TMTC1: variants seen among roughly 807,000 people sequenced by gnomAD.
The protein encoded by TMTC1 is transmembrane O-mannosyltransferase targeting cadherins 1.
Under a neutral mutation model 104.8 loss-of-function variants are expected in TMTC1, and 73 were observed. The ratio of observed to expected loss-of-function variants is 0.70; its 90% CI spans 0.58 to 0.85. The LOEUF (loss-of-function observed/expected upper bound fraction) is 0.85, where lower values mean the gene tolerates loss of function less well. TMTC1 is among the 40% of genes least tolerant of loss of function. TMTC1 has a pLI of 0.00. For synonymous variants in TMTC1, 434 were observed against 428.7 expected (o/e 1.01, Z -0.15); for missense variants, 1,035 against 1,096.1 (o/e 0.94, Z 0.79).
At chr12:29,711,077 G>T (rs1941913237) in intron 5 of TMTC1, among the ~76,000 whole-genome samples, 1 of 150,402 alleles carries the variant, frequency 6.6e-6, no homozygotes, top group Admixed American at 6.7e-5. Flanking sequence ...CAAACTCCAT[G>T]GTTCAAACGA....
intron 6 of TMTC1, among the ~76,000 whole-genome samples, chr12:29,628,547 A>G (rs1456611161): frequency 1.3e-5 from 2 of 152,190 alleles, no homozygotes; most frequent in Admixed American, 6.5e-5. Flanking sequence ...GTCAACACAG[A>G]CTTTATAAGA....
At position 29,507,650 on chromosome 12, in the gene TMTC1, G is replaced by A. The variant is rs138857124; in HGVS notation, c.2509-664C>T. 4.0e-3 allele frequency among the ~76,000 whole-genome samples: 614 copies of A among 152,264 alleles called. 4 individuals carry two copies. Among genetic ancestry groups the A allele is most frequent in the Middle Eastern group, 0.01 (3 of 294 alleles). ...CTAAACACAACTGTCCCCACCCTCT[G>A]TTGGCTTCCAACTGTTTTGTTTGAT... On this transcript the variant is annotated intron_variant, in intron 17 of 17. Coordinates refer to ENST00000539277, the MANE Select transcript of TMTC1 (RefSeq NM_001193451.2).
At chr12:29,568,126 C>T (rs1254295889) in intron 9 of TMTC1, among the ~76,000 whole-genome samples, 4 of 152,168 alleles carry the variant, frequency 2.6e-5, no homozygotes, top group African/African-American at 2.4e-5. Flanking sequence ...CTATGTTATG[C>T]ATTAAACATT....
intron 5 of TMTC1, among the ~76,000 whole-genome samples, chr12:29,711,935 A>G (rs981231472): frequency 7.0e-6 from 1 of 143,860 alleles, no homozygotes; most frequent in African/African-American, 2.6e-5. Flanking sequence ...TGAACCCAGG[A>G]GGCAGAGCTT....
Position 29,514,612 on chromosome 12 carries a change from G to T in TMTC1, c.2308-8C>A, listed in dbSNP as rs755844879. ...GTCTATAGCATCAAGTGCCTGCAGA[G>T]GTTGGAAATTAAGACAGAATAAATG... On this transcript the variant is annotated splice_polypyrimidine_tract_variant and splice_region_variant and intron_variant, in intron 15 of 17. Transcript: ENST00000539277. 1.2e-6 allele frequency: 2 copies of T among 1,603,072 alleles called. No individual in the cohort carries two copies. The highest frequency in any genetic ancestry group is 1.1e-5 in the South Asian group (1 of 89,456).
chr12:29,715,351 A>G (rs942421594), intron 5 of TMTC1, among the ~76,000 whole-genome samples: 1 of 152,246 alleles, frequency 6.6e-6, no homozygotes, highest in Admixed American at 6.5e-5. Context: ...GTTTCTCATT[A>G]TAAGTATATA....
intron 5 of TMTC1, among the ~76,000 whole-genome samples, chr12:29,749,434 C>T (rs778469067): frequency 6.6e-5 from 10 of 152,130 alleles, no homozygotes; most frequent in African/African-American, 9.7e-5. Context: ...CAGGAGCTGG[C>T]AACACATCTA....
intron 5 of TMTC1, among the ~76,000 whole-genome samples, chr12:29,685,969 C>CTTTTT (rs1941080434): frequency 6.6e-6 from 1 of 150,452 alleles, no homozygotes; most frequent in Non-Finnish European, 1.5e-5. Context: ...GGAAAAGCCA[C>CTTTTT]TTTTCTTGAT....
chr12:29,749,109 A>T (rs1435679676), intron 5 of TMTC1, among the ~76,000 whole-genome samples: 1 of 152,146 alleles, frequency 6.6e-6, no homozygotes, highest in Non-Finnish European at 1.5e-5. Context: ...ACAAATCAGG[A>T]GTCCCGTTCT....
At chr12:29,756,601 T>G (rs1300538733) in intron 3 of TMTC1, among the ~76,000 whole-genome samples, 1 of 152,210 alleles carries the variant, frequency 6.6e-6, no homozygotes, top group Non-Finnish European at 1.5e-5. Flanking sequence ...TTTTCTCAGT[T>G]TAATTTCCAA....
At chr12:29,742,213 A>G (rs969252691) in intron 5 of TMTC1, among the ~76,000 whole-genome samples, 3 of 152,224 alleles carry the variant, frequency 2.0e-5, no homozygotes, top group Admixed American at 6.5e-5. Flanking sequence ...CAAAAGACAC[A>G]AACATTATTC....
chr12:29,769,740 G>C (rs1196731265), intron 1 of TMTC1, among the ~76,000 whole-genome samples: 1 of 152,108 alleles, frequency 6.6e-6, no homozygotes, highest in Non-Finnish European at 1.5e-5. Context: ...CACTGACAAG[G>C]ATGAGAGAAA....
At chr12:29,716,432 T>A (rs2136863755) in intron 5 of TMTC1, among the ~76,000 whole-genome samples, 1 of 152,318 alleles carries the variant, frequency 6.6e-6, no homozygotes, top group Admixed American at 6.5e-5. Flanking sequence ...GAGTATGTGC[T>A]TTTAACTACT....
rs186058829 is a variant in TMTC1, at chr12:29,517,935, G to A, written c.2025-364C>T. Among the ~76,000 whole-genome samples the A allele has an allele frequency of 1.2e-3, 186 of 152,248 alleles. 1 individual carries two copies. The highest frequency in any genetic ancestry group is 4.3e-3 in the African/African-American group (177 of 41,546). On this transcript the variant is annotated intron_variant, in intron 13 of 17. Coordinates refer to ENST00000539277, the MANE Select transcript of TMTC1 (RefSeq NM_001193451.2). ...TCACCATGTTGGCCAAGTTGGTCTT[G>A]AACATCTGACCTCAGGTGATTCGAC...
At chr12:29,769,634 T>C (rs1943551205) in intron 1 of TMTC1, among the ~76,000 whole-genome samples, 1 of 152,216 alleles carries the variant, frequency 6.6e-6, no homozygotes, top group Admixed American at 6.5e-5. Context: ...TGCAGTTCCC[T>C]AAGAGTCCAC....
chr12:29,648,567 A>G (rs1310672326), intron 5 of TMTC1, among the ~76,000 whole-genome samples: 3 of 152,108 alleles, frequency 2.0e-5, no homozygotes, highest in African/African-American at 7.2e-5. Context: ...GAGGCTGCAG[A>G]GAGTGCTGCA....
intron 8 of TMTC1, among the ~76,000 whole-genome samples, chr12:29,576,678 T>G (rs538961616): frequency 6.6e-6 from 1 of 152,326 alleles, no homozygotes; most frequent in East Asian, 1.9e-4. Context: ...TTTGCAGTTA[T>G]GTAGATGACT....
chr12:29,643,760 A>ATATTT (rs1939065064), intron 5 of TMTC1, among the ~76,000 whole-genome samples: 1 of 21,624 alleles, frequency 4.6e-5, no homozygotes, highest in African/African-American at 1.9e-4. Context: ...AAATATTTAT[A>ATATTT]ATACACATAT....
intron 5 of TMTC1, among the ~76,000 whole-genome samples, chr12:29,675,625 CACACA>C (rs1565760119): frequency 8.7e-4 from 71 of 81,874 alleles, no homozygotes; most frequent in African/African-American, 3.7e-3. Context: ...CACACACACA[CACACA>C]CCCTCCATGA....
Sources: allele counts gnomAD v4.1 joint callset (sites outside exome capture counted in the v4.1 genomes callset), GRCh38; gene constraint gnomAD v4.1.1; transcripts MANE v1.5; gene names NCBI Gene and HGNC (gene_info 2026-07-23, HGNC 2026-07-21).